LARP1: variants seen among roughly 807,000 people sequenced by gnomAD.
The protein encoded by LARP1 is La ribonucleoprotein 1, translational regulator.
In LARP1, 36 loss-of-function variants were observed where a neutral mutation model predicts 122.7. The ratio of observed to expected loss-of-function variants is 0.29; its 90% CI spans 0.22 to 0.39. The LOEUF (loss-of-function observed/expected upper bound fraction) is 0.39, where lower values mean the gene tolerates loss of function less well. Among genes scored for constraint, LARP1 ranks in the 10% least tolerant of loss-of-function variants. The pLI is 1.00. For synonymous variants in LARP1, 539 were observed against 528.7 expected (o/e 1.02, Z -0.27); for missense variants, 1,040 against 1,403.6 (o/e 0.74, Z 4.14).
chr5:154,756,191 C>A lies in LARP1; in HGVS notation c.434C>A (p.Pro145Gln), dbSNP rs777360014. Residue 145 changes from proline to glutamine, a missense_variant and splice_region_variant, in exon 1 of 19, where the codon CCA (proline) becomes CAA (glutamine). Physicochemically the swap from Pro to Gln is moderately conservative, Grantham distance 76 (BLOSUM62 -1). Transcript: ENST00000518297. ...ACCACCGTGAACGGACAGTCCCCCC[C>A]AGGTGGGTCTCCCTCCTTGCCCTCC... ...VLTTVNGQSP[P>Q]EHSAPAKVVR... The A allele has an allele frequency of 4.6e-6, 6 of 1,294,752 alleles. No individual in the cohort carries two copies. The highest frequency in any genetic ancestry group is 1.6e-5 in the African/African-American group (1 of 62,588). The allele number at this position is 1,294,752 out of a possible 1,614,324, so 80.2% of individuals were successfully genotyped here.
chr5:154,693,304 A>T (rs948127831), intron 1 of LARP1, among the ~76,000 whole-genome samples: 23 of 152,018 alleles, frequency 1.5e-4, no homozygotes, highest in Admixed American at 1.5e-3. Flanking sequence ...CGCCCTGCTA[A>T]TTTTTTATTT....
intron 1 of LARP1, chr5:154,786,565 C>G (rs569732228): frequency 2.2e-6 from 1 of 452,264 alleles, no homozygotes; most frequent in African/African-American, 2.0e-5. Context: ...GTCTGGGCCT[C>G]GGAGACCTGT....
rs1319824798 is a variant in LARP1, at chr5:154,815,172, G to A, written c.*1076G>A. On this transcript the variant is annotated 3_prime_UTR_variant, in exon 19 of 19. Coordinates refer to ENST00000518297, the MANE Select transcript of LARP1 (RefSeq NM_033551.3). ...CAGTGCCTCCATCCTGGAGGCAAGA[G>A]AGTTGGGAGTGGCTCGAATCAGAGC... 1 of 152,606 alleles carries A rather than the reference G, an allele frequency of 6.6e-6. No homozygotes were observed. Among genetic ancestry groups the A allele is most frequent in the East Asian group, 1.9e-4 (1 of 5,174 alleles). 9.5% of individuals were successfully genotyped at this position (152,606 alleles called of 1,614,324 possible). A position where few individuals can be genotyped will look rare whatever the true frequency, so the allele number is the denominator to read the frequency against.
At chr5:154,800,152 T>A (rs1758227998) in intron 10 of LARP1, 110 bp downstream of exon 10, 1 of 990,088 alleles carries the variant, frequency 1.0e-6, no homozygotes, top group Non-Finnish European at 1.5e-6. Flanking sequence ...GCAGGAAATC[T>A]GGGTAGTTCA....
At chr5:154,806,914 A>G (rs2113855872) in intron 15 of LARP1, among the ~76,000 whole-genome samples, 1 of 152,232 alleles carries the variant, frequency 6.6e-6, no homozygotes, top group Admixed American at 6.5e-5. Context: ...ATTTTAGAAC[A>G]TTTTCATTAC....
At chr5:154,769,602 C>G (rs1323370940) in intron 1 of LARP1, among the ~76,000 whole-genome samples, 2 of 152,144 alleles carry the variant, frequency 1.3e-5, no homozygotes, top group Admixed American at 6.6e-5. Flanking sequence ...ATAGAAAGCT[C>G]TCTGAGAGTT....
chr5:154,685,652 C>A, intron 1 of LARP1: 1 of 336,826 alleles, frequency 3.0e-6, no homozygotes. Flanking sequence ...GCTGCCTCTG[C>A]TAGTCTATAC....
chr5:154,802,592 G>A lies in LARP1; in HGVS notation c.2109+193G>A, dbSNP rs1167851105. On this transcript the variant is annotated intron_variant, in intron 11 of 18. Transcript: ENST00000518297. The surrounding 1 kb of genome is among the most constrained non-coding windows in gnomAD (Gnocchi z 5.1). The stretch of plus-strand genomic sequence containing the variant: ...GAGTGAGGGGTGATGTGTAAACACT[G>A]CAAACTCTTCAGGTGAGGCGGTGGT... Among the ~76,000 whole-genome samples the A allele has an allele frequency of 2.0e-5, 3 of 152,190 alleles. No homozygotes were observed. The highest frequency in any genetic ancestry group is 4.4e-5 in the Non-Finnish European group (3 of 68,022).
At chr5:154,782,988 A>G (rs942646381) in intron 1 of LARP1, among the ~76,000 whole-genome samples, 2 of 152,144 alleles carry the variant, frequency 1.3e-5, no homozygotes, top group Non-Finnish European at 2.9e-5. Context: ...AGCTGAAAGT[A>G]GCCAGGCTTT....
chr5:154,777,389 C>CG (rs1756001061), intron 1 of LARP1, among the ~76,000 whole-genome samples: 1 of 151,058 alleles, frequency 6.6e-6, no homozygotes, highest in African/African-American at 2.4e-5. Context: ...GGCATGGTGA[C>CG]GGACACCTGT....
At chr5:154,743,182 C>G (rs768052632) in intron 1 of LARP1, among the ~76,000 whole-genome samples, 12 of 152,128 alleles carry the variant, frequency 7.9e-5, no homozygotes, top group Non-Finnish European at 1.3e-4. Context: ...CTTGAGAAGT[C>G]CCACCCTTAG....
chr5:154,758,388 A>G (rs755339194), intron 1 of LARP1, among the ~76,000 whole-genome samples: 2 of 152,166 alleles, frequency 1.3e-5, no homozygotes, highest in Non-Finnish European at 2.9e-5. Flanking sequence ...GAGAGTGTCT[A>G]CTTGTTGGTT....
At chr5:154,804,645 C>G in intron 14 of LARP1, 1 of 404,226 alleles carries the variant, frequency 2.5e-6, no homozygotes. Flanking sequence ...TCTCTCTGAG[C>G]CTACTATGTC....
rs749178227 is a variant in LARP1, at chr5:154,793,706, A to G, written c.851A>G (p.Asn284Ser). The G allele has an allele frequency of 3.1e-6, 5 of 1,614,064 alleles. No individual in the cohort carries two copies. The African/African-American group carries it at 5.3e-5, about 17-fold the overall frequency. Residue 284 changes from asparagine to serine, a missense_variant, in exon 5 of 19, where the codon AAT (asparagine) becomes AGT (serine). Asn to Ser is a conservative substitution (Grantham distance 46). Around this residue, in one of 8 missense-constraint regions of LARP1, gnomAD observed 178 missense variants for 178.3 expected, o/e 1.00. Transcript: ENST00000518297. ...RPPEPRHIPA[N>S]RGEIKGSESA... is the part of the protein sequence containing the mutation. Reference sequence around the variant, plus strand: ...CCGGAGCCTAGACACATACCTGCCAATCGCGGAGAGATCAAAGGTATGCAC... The same window carrying G: ...CCGGAGCCTAGACACATACCTGCCAGTCGCGGAGAGATCAAAGGTATGCAC...
At chr5:154,719,174 T>C (rs1263831188) in intron 1 of LARP1, among the ~76,000 whole-genome samples, 1 of 152,194 alleles carries the variant, frequency 6.6e-6, no homozygotes, top group Admixed American at 6.5e-5. Context: ...GCCTGGCCTA[T>C]TGGCCTCTGC....
In LARP1 at chr5:154,806,712, A is replaced by G. The variant is rs574586945; in HGVS notation, c.2698+680A>G. On this transcript the variant is annotated intron_variant, in intron 15 of 18. Coordinates refer to ENST00000518297, the MANE Select transcript of LARP1 (RefSeq NM_033551.3). Reference sequence around the variant, plus strand: ...TCTAGTCACCTGTAGTTATTAACTCATTCATCCTCTTTCATTCAACAAAAC... The same window carrying G: ...TCTAGTCACCTGTAGTTATTAACTCGTTCATCCTCTTTCATTCAACAAAAC... Among the ~76,000 whole-genome samples, 15 of 152,288 alleles carry G rather than the reference A, an allele frequency of 9.8e-5. No individual in the cohort carries two copies. The South Asian group carries it at 3.1e-3, about 32-fold the overall frequency.
chr5:154,797,620 A>C (rs1201159912), intron 8 of LARP1, among the ~76,000 whole-genome samples: 2 of 150,016 alleles, frequency 1.3e-5, no homozygotes, highest in African/African-American at 4.9e-5. Context: ...CCATAATCTT[A>C]ATTCCTAATG....
At chr5:154,717,026 C>T (rs1755546237) in intron 1 of LARP1, among the ~76,000 whole-genome samples, 1 of 148,540 alleles carries the variant, frequency 6.7e-6, no homozygotes. Flanking sequence ...AGCTGCTGTA[C>T]TCCAGCCTGG....
intron 1 of LARP1, among the ~76,000 whole-genome samples, chr5:154,702,158 T>C (rs1402956549): frequency 1.3e-5 from 2 of 152,194 alleles, no homozygotes; most frequent in Non-Finnish European, 2.9e-5. Flanking sequence ...GAGTTACGCC[T>C]CTGTCACTTA....
Sources: allele counts gnomAD v4.1 joint callset (sites outside exome capture counted in the v4.1 genomes callset), GRCh38; gene constraint gnomAD v4.1.1; regional missense constraint gnomAD v4.1.1; non-coding constraint Gnocchi (gnomAD v3.1); transcripts MANE v1.5; gene names NCBI Gene and HGNC (gene_info 2026-07-23, HGNC 2026-07-21).